CSMD1: variants seen among roughly 807,000 people sequenced by gnomAD.
CSMD1 encodes CUB and sushi domain-containing protein 1.
A neutral mutation model predicts 417.5 loss-of-function variants in CSMD1; 213 were observed. The ratio of observed to expected loss-of-function variants is 0.51; its 90% confidence interval spans 0.46 to 0.57. CSMD1 has a LOEUF of 0.57. Ranked by LOEUF, CSMD1 falls within the 20% of genes least tolerant of loss-of-function variation. The pLI, the probability that CSMD1 is intolerant of heterozygous loss-of-function variation, is 0.00. For missense variants in CSMD1, 6,923 were observed against 4,529.7 expected, an observed-to-expected ratio of 1.53 and a Z score of -15.17; for synonymous variants, 2,862 against 1,736.8, an observed-to-expected ratio of 1.65 and a Z score of -16.11.
At chr8:4,243,156 G>GA in intron 3 of CSMD1, among the ~76,000 whole-genome samples, 1 of 152,190 alleles carries the variant, frequency 6.6e-6, no homozygotes, top group South Asian at 2.1e-4. Context: ...GGAGAGGAGG[G>GA]AGAGTGCTTG....
rs570565650 is a variant in CSMD1 at position 3,954,219 on chromosome 8, G to A, written c.818+43684C>T. ...GACTGAGGGGCATAAAGGAGAAAAA[G>A]AGACCCAGGCAAGTCCAGAGCAGGA... is the stretch of plus-strand genomic sequence containing the variant. On this transcript the variant is annotated intron_variant, in intron 5 of 69. Transcript: ENST00000635120. 2.6e-5 allele frequency among the ~76,000 whole-genome samples: 4 copies of A among 152,294 alleles called. No homozygotes were observed. The East Asian group carries it at 7.7e-4, about 29-fold the overall frequency.
intron 6 of CSMD1, among the ~76,000 whole-genome samples, chr8:3,739,180 C>A (rs987943514): frequency 5.3e-5 from 8 of 152,208 alleles, no homozygotes; most frequent in South Asian, 2.1e-4. Flanking sequence ...CTGATGCATG[C>A]CGGATACTGT....
intron 1 of CSMD1, among the ~76,000 whole-genome samples, chr8:4,844,438 C>G (rs1001667688): frequency 6.6e-6 from 1 of 152,058 alleles, no homozygotes; most frequent in African/African-American, 2.4e-5. Context: ...CTTTTATTTT[C>G]GATTTTTCTT....
chr8:4,705,780 A>G (rs887216393), intron 1 of CSMD1, among the ~76,000 whole-genome samples: 5 of 152,192 alleles, frequency 3.3e-5, no homozygotes, highest in Non-Finnish European at 7.3e-5. Context: ...AATTGATAAC[A>G]TTCTATCTTA....
At chr8:4,710,477 T>A (rs950791152) in intron 1 of CSMD1, among the ~76,000 whole-genome samples, 5 of 147,926 alleles carry the variant, frequency 3.4e-5, no homozygotes, top group Admixed American at 3.4e-4. Context: ...TATATATATA[T>A]ATATGTATCT....
rs141085439 is a variant in CSMD1, at chr8:3,049,803, T to C, written c.7660+2659A>G. On this transcript the variant is annotated intron_variant, in intron 50 of 69. Coordinates refer to ENST00000635120, the MANE Select transcript of CSMD1 (RefSeq NM_033225.6). ...TGGTATGTCAATGTAGGTGCATCCA[T>C]TGTAACATGCACCCCACTCTGGTGT... Among the ~76,000 whole-genome samples, 12 of 152,154 alleles carry C rather than the reference T, an allele frequency of 7.9e-5. No homozygotes were observed. In the East Asian group the frequency reaches 1.7e-3, roughly 22 times the overall value.
At chr8:4,315,792 A>G (rs936073496) in intron 3 of CSMD1, among the ~76,000 whole-genome samples, 1 of 104,026 alleles carries the variant, frequency 9.6e-6, no homozygotes, top group Non-Finnish European at 2.3e-5. Flanking sequence ...TTTTGCATAA[A>G]GTAATTCAAA....
At chr8:3,996,726 T>G (rs964621827) in intron 5 of CSMD1, among the ~76,000 whole-genome samples, 5 of 152,114 alleles carry the variant, frequency 3.3e-5, no homozygotes, top group Non-Finnish European at 7.4e-5. Flanking sequence ...ACAATCTAGG[T>G]AGAATTTGTT....
At chr8:4,727,788 T>G (rs915989854) in intron 1 of CSMD1, among the ~76,000 whole-genome samples, 1 of 151,618 alleles carries the variant, frequency 6.6e-6, no homozygotes, top group Admixed American at 6.6e-5. Context: ...AGGTGCTAAA[T>G]TTGGAATATA....
intron 36 of CSMD1, among the ~76,000 whole-genome samples, chr8:3,186,037 T>C (rs1198543614): frequency 3.5e-5 from 5 of 143,190 alleles, no homozygotes; most frequent in Admixed American, 7.0e-5. Context: ...TCTTACATCT[T>C]AAAAAAAAAA....
At chr8:3,314,153 G>C (rs1239588391) in intron 23 of CSMD1, among the ~76,000 whole-genome samples, 1 of 139,268 alleles carries the variant, frequency 7.2e-6, no homozygotes, top group African/African-American at 2.7e-5. Flanking sequence ...ATAGCATTAG[G>C]AGATATACCT....
chr8:3,507,325 G>A (rs1796869598), intron 10 of CSMD1, among the ~76,000 whole-genome samples: 1 of 152,068 alleles, frequency 6.6e-6, no homozygotes, highest in Non-Finnish European at 1.5e-5. Flanking sequence ...CCCTAAAAAG[G>A]ACATGAACTC....
intron 5 of CSMD1, among the ~76,000 whole-genome samples, chr8:3,825,663 G>A (rs17067691): frequency 2.0e-5 from 3 of 152,100 alleles, no homozygotes; most frequent in Admixed American, 2.0e-4. Flanking sequence ...CTGAGGCCAA[G>A]TTTTACTCTC....
At chr8:4,499,104 G>T (rs897097193) in intron 2 of CSMD1, among the ~76,000 whole-genome samples, 1 of 152,136 alleles carries the variant, frequency 6.6e-6, no homozygotes, top group African/African-American at 2.4e-5. Flanking sequence ...ATGTTAAAAT[G>T]CAGTCATTTC....
intron 1 of CSMD1, among the ~76,000 whole-genome samples, chr8:4,746,655 A>T (rs572555661): frequency 6.8e-4 from 103 of 152,300 alleles, no homozygotes; most frequent in South Asian, 2.7e-3. Context: ...GGGCAGCACA[A>T]ACTATGCAGT....
intron 5 of CSMD1, among the ~76,000 whole-genome samples, chr8:3,957,534 A>T (rs1812038274): frequency 6.6e-6 from 1 of 152,116 alleles, no homozygotes; most frequent in Non-Finnish European, 1.5e-5. Context: ...TTTTAAAAAA[A>T]CTAGCTGGGC....
At chr8:4,435,906 T>A (rs1213230255) in intron 2 of CSMD1, among the ~76,000 whole-genome samples, 1 of 152,198 alleles carries the variant, frequency 6.6e-6, no homozygotes, top group South Asian at 2.1e-4. Flanking sequence ...AAATGTAGAT[T>A]TGACGGAAAA....
intron 37 of CSMD1, among the ~76,000 whole-genome samples, chr8:3,167,398 G>A (rs930064068): frequency 1.3e-5 from 2 of 151,774 alleles, no homozygotes; most frequent in Admixed American, 6.6e-5. Context: ...GACTCTGAAT[G>A]CCCAGGTGCC....
intron 3 of CSMD1, among the ~76,000 whole-genome samples, chr8:4,220,690 A>G (rs1306326246): frequency 1.3e-5 from 2 of 152,216 alleles, no homozygotes; most frequent in African/African-American, 2.4e-5. Flanking sequence ...GGGAAGATCA[A>G]GAACATTTCC....
Sources: allele counts gnomAD v4.1 joint callset (sites outside exome capture counted in the v4.1 genomes callset), GRCh38; gene constraint gnomAD v4.1.1; transcripts MANE v1.5; gene names NCBI Gene and HGNC (gene_info 2026-07-23, HGNC 2026-07-21).